Variants in PVR observed in about 807,000 individuals in gnomAD.
PVR encodes poliovirus receptor.
A neutral mutation model predicts 43.3 loss-of-function variants in PVR; 39 were observed. That is an observed-to-expected ratio of 0.90 (90% CI 0.70 to 1.18). PVR has a LOEUF of 1.18. Ranked by LOEUF, PVR falls within the 50% of genes most tolerant of loss-of-function variation. PVR has a pLI of 0.00. For missense variants in PVR, 480 were observed against 549.7 expected, an observed-to-expected ratio of 0.87 and a Z score of 1.27; for synonymous variants, 224 against 233.2, an observed-to-expected ratio of 0.96 and a Z score of 0.36.
chr19:44,655,632 T>C (rs1040838040), intron 4 of PVR, among the ~76,000 whole-genome samples: 1 of 152,184 alleles, frequency 6.6e-6, no homozygotes, highest in African/African-American at 2.4e-5. Flanking sequence ...TACCTTTCCA[T>C]GTCAAAGCAC....
At chr19:44,652,847 C>T (rs556482692) in intron 3 of PVR, among the ~76,000 whole-genome samples, 17 of 152,292 alleles carry the variant, frequency 1.1e-4, no homozygotes, top group African/African-American at 3.6e-4. Flanking sequence ...CTTTACTTAA[C>T]CCAATATACC....
At chr19:44,650,533 C>G (rs1973253174) in intron 3 of PVR, among the ~76,000 whole-genome samples, 1 of 151,794 alleles carries the variant, frequency 6.6e-6, no homozygotes, top group African/African-American at 2.4e-5. Flanking sequence ...ATTGTCTACA[C>G]CCACTCCCTT....
Position 44,662,224 on chromosome 19 carries a change from A to T in PVR, c.*413A>T, listed in dbSNP as rs1307115599. The T allele has an allele frequency of 2.6e-5, 5 of 195,556 alleles. No homozygotes were observed. The highest frequency in any genetic ancestry group is 5.4e-5 in the Non-Finnish European group (5 of 92,654). The allele number at this position is 195,556 out of a possible 1,614,324, so 12.1% of individuals were successfully genotyped here. ...GCAAGAAGTACTGCCAATACTGCCA[A>T]CCAGAGCAGCTCACTCGAGATCTTT... is the stretch of plus-strand genomic sequence containing the variant. On this transcript the variant is annotated 3_prime_UTR_variant, in exon 8 of 8. Coordinates refer to ENST00000425690, the MANE Select transcript of PVR (RefSeq NM_006505.5).
At position 44,663,558 on chromosome 19, in the gene PVR, A is replaced by G. The variant is rs936633682; in HGVS notation, c.*1747A>G. The G allele has an allele frequency of 6.6e-6, 1 of 151,896 alleles. No homozygotes were observed. Among genetic ancestry groups the G allele is most frequent in the African/African-American group, 2.4e-5 (1 of 41,364 alleles). 9.4% of individuals were successfully genotyped at this position (151,896 alleles called of 1,614,324 possible). ...GTCTGTCTCCAGCACCCAGAATCTCATTAAAGCTTATTTATTGTACCTCCA... is the reference window on the plus strand; with the variant it reads ...GTCTGTCTCCAGCACCCAGAATCTCGTTAAAGCTTATTTATTGTACCTCCA... On this transcript the variant is annotated 3_prime_UTR_variant, in exon 8 of 8. Coordinates refer to ENST00000425690, the MANE Select transcript of PVR (RefSeq NM_006505.5).
intron 1 of PVR, 70 bp from the exon 2 acceptor site, chr19:44,647,153 C>A: frequency 8.4e-7 from 1 of 1,196,220 alleles, no homozygotes; most frequent in African/African-American, 1.6e-5. Context: ...GGTGCCCGGG[C>A]TCCTGGAGCC....
chr19:44,644,074 C>T lies in PVR; in HGVS notation c.-23C>T, dbSNP rs1387585138. 6.7e-7 allele frequency: 1 copy of T among 1,501,110 alleles called. No homozygotes were observed. The highest frequency in any genetic ancestry group is 1.2e-5 in the South Asian group (1 of 81,044). The allele number at this position is 1,501,110 out of a possible 1,614,324, so 93.0% of individuals were successfully genotyped here. ...GAAGCGAGGAGACGCCCGCGGGAGG[C>T]CCAGCTGCTCGGAGCAACTGGCATG... On this transcript the variant is annotated 5_prime_UTR_variant, in exon 1 of 8. Transcript: ENST00000425690.
chr19:44,660,675 C>G (rs1973568609), intron 6 of PVR, among the ~76,000 whole-genome samples: 1 of 151,872 alleles, frequency 6.6e-6, no homozygotes, highest in Non-Finnish European at 1.5e-5. Context: ...GGCGTGCACT[C>G]CCACGCCTGG....
chr19:44,650,591 C>T, intron 3 of PVR, among the ~76,000 whole-genome samples: 1 of 137,070 alleles, frequency 7.3e-6, no homozygotes, highest in South Asian at 2.3e-4. Flanking sequence ...GAAATAGAGT[C>T]TCACTCTGTT....
rs1973644076 is a variant in PVR, at chr19:44,663,788, C to G, written c.*1977C>G. 6.6e-6 allele frequency among the ~76,000 whole-genome samples: 1 copy of G among 151,942 alleles called. No individual in the cohort carries two copies. The highest frequency in any genetic ancestry group is 2.4e-5 in the African/African-American group (1 of 41,348). On this transcript the variant is annotated 3_prime_UTR_variant, in exon 8 of 8. Coordinates refer to ENST00000425690, the MANE Select transcript of PVR (RefSeq NM_006505.5). ...AAAAAATGTTTAAGGGACGGTGTCT[C>G]CTGTCACCCAGGCTGGAGTGCAATG...
Position 44,647,573 on chromosome 19 carries a change from G to T in PVR, c.427+3G>T. 2 of 1,604,062 alleles carry T rather than the reference G, an allele frequency of 1.2e-6. No homozygotes were observed. Among genetic ancestry groups the T allele is most frequent in the South Asian group, 1.1e-5 (1 of 89,690 alleles). On this transcript the variant is annotated splice_donor_region_variant and intron_variant, in intron 2 of 7. Transcript: ENST00000425690. ...GGATATCTGGCTCCGAGTGCTTGGTGAGCAGGGGGTTTTGGGGAGGCTGAA... is the reference window on the plus strand; with the variant it reads ...GGATATCTGGCTCCGAGTGCTTGGTTAGCAGGGGGTTTTGGGGAGGCTGAA...
intron 3 of PVR, among the ~76,000 whole-genome samples, chr19:44,652,476 C>T (rs1302549794): frequency 8.5e-5 from 13 of 152,112 alleles, no homozygotes; most frequent in African/African-American, 2.7e-4. Flanking sequence ...CTCCGCCTCT[C>T]GGGTTCAAGT....
At position 44,653,041 on chromosome 19, in the gene PVR, C is replaced by T. The variant is rs182689123; in HGVS notation, c.725-859C>T. Among the ~76,000 whole-genome samples, 14 of 152,084 alleles carry T rather than the reference C, an allele frequency of 9.2e-5. No individual in the cohort carries two copies. In the East Asian group the frequency reaches 2.7e-3, roughly 29 times the overall value. On this transcript the variant is annotated intron_variant, in intron 3 of 7. Transcript: ENST00000425690. Reference sequence around the variant, plus strand: ...GGACAGCACAGATCTAGACTAAGCTCCCACATCATCTACACTGGCTCATCC... The same window carrying T: ...GGACAGCACAGATCTAGACTAAGCTTCCACATCATCTACACTGGCTCATCC...
At chr19:44,654,409 C>T (rs373378321) in intron 4 of PVR, among the ~76,000 whole-genome samples, 5 of 152,202 alleles carry the variant, frequency 3.3e-5, no homozygotes, top group South Asian at 2.1e-4. Context: ...AGGTTGACTT[C>T]GGGCCCCCAG....
At chr19:44,659,224 T>G (rs1284995891) in intron 6 of PVR, 4 of 237,634 alleles carry the variant, frequency 1.7e-5, no homozygotes, top group Non-Finnish European at 3.2e-5. Flanking sequence ...ATCTGCCTTG[T>G]TCAGGAGTGA....
chr19:44,644,644 G>GAC (rs1973026419), intron 1 of PVR, among the ~76,000 whole-genome samples: 1 of 151,950 alleles, frequency 6.6e-6, no homozygotes, highest in South Asian at 2.1e-4. Flanking sequence ...GACAGTGGGT[G>GAC]ACACTTGACA....
At chr19:44,659,341 G>A (rs1973534992) in intron 6 of PVR, among the ~76,000 whole-genome samples, 2 of 152,184 alleles carry the variant, frequency 1.3e-5, no homozygotes, top group South Asian at 4.1e-4. Flanking sequence ...CCTGCCTGGA[G>A]CACCCTCCCA....
chr19:44,658,131 T>G (rs952886256), intron 5 of PVR, among the ~76,000 whole-genome samples: 5 of 152,186 alleles, frequency 3.3e-5, no homozygotes, highest in African/African-American at 1.2e-4. Context: ...GGGATAGATG[T>G]GGAATCCCTC....
rs995226592 is a variant in PVR, at chr19:44,662,268, T to C, written c.*457T>C. ...GATCTTTGTGTCCAGAGTTTTTTGT[T>C]TGTCTTGAGACAGGGTCTGGCTCTG... On this transcript the variant is annotated 3_prime_UTR_variant, in exon 8 of 8. Coordinates refer to ENST00000425690, the MANE Select transcript of PVR (RefSeq NM_006505.5). 5.7e-6 allele frequency: 1 copy of C among 176,178 alleles called. No individual in the cohort carries two copies. Among genetic ancestry groups the C allele is most frequent in the African/African-American group, 2.3e-5 (1 of 42,732 alleles). 10.9% of individuals were successfully genotyped at this position (176,178 alleles called of 1,614,324 possible). A position where few individuals can be genotyped will look rare whatever the true frequency, so the allele number is the denominator to read the frequency against.
In PVR at chr19:44,665,769, G is replaced by T. The variant is rs1489759202; in HGVS notation, c.*3958G>T. 6.6e-6 allele frequency: 1 copy of T among 152,208 alleles called. No homozygotes were observed. The highest frequency in any genetic ancestry group is 1.5e-5 in the Non-Finnish European group (1 of 68,188). 9.4% of individuals were successfully genotyped at this position (152,208 alleles called of 1,614,324 possible). Reference sequence around the variant, plus strand: ...TGGCATCACCCTCTGGTGCCAAGATGGCTGCTGCATTCCAGGCATCACATC... The same window carrying T: ...TGGCATCACCCTCTGGTGCCAAGATTGCTGCTGCATTCCAGGCATCACATC... On this transcript the variant is annotated 3_prime_UTR_variant, in exon 8 of 8. Transcript: ENST00000425690.
Sources: allele counts gnomAD v4.1 joint callset (sites outside exome capture counted in the v4.1 genomes callset), GRCh38; gene constraint gnomAD v4.1.1; transcripts MANE v1.5; gene names NCBI Gene and HGNC (gene_info 2026-07-23, HGNC 2026-07-21).